The following PHACTR4 variants were observed in gnomAD, a reference collection of about 807,000 sequenced individuals.
PHACTR4 encodes protein phosphatase 1, regulatory subunit 124.
PHACTR4 carries 51 observed loss-of-function variants against 72.7 expected under a neutral mutation model. The ratio of observed to expected loss-of-function variants is 0.70; its 90% CI spans 0.56 to 0.89. PHACTR4 has a LOEUF of 0.89. Ranked by LOEUF, PHACTR4 falls within the 40% of genes least tolerant of loss-of-function variation. The pLI is 0.00. For missense variants in PHACTR4, 731 were observed against 861.8 expected (o/e 0.85, Z 1.90); for synonymous variants, 255 against 302.5 (o/e 0.84, Z 1.63).
intron 10 of PHACTR4, 100 bp downstream of exon 10, chr1:28,489,325 AG>A (rs1230226242): frequency 1.0e-6 from 1 of 963,340 alleles, no homozygotes. Flanking sequence ...ACAAGGGCTA[AG>A]GGAGAGTGTT....
At chr1:28,453,617 G>T (rs1658140735) in intron 2 of PHACTR4, 2 of 1,221,896 alleles carry the variant, frequency 1.6e-6, no homozygotes, top group Non-Finnish European at 2.3e-6. Context: ...CTACAGTGAG[G>T]TGAAACAAAT....
chr1:28,473,432 T>C (rs904453215), intron 6 of PHACTR4, 122 bp from the exon 7 acceptor site: 5 of 768,610 alleles, frequency 6.5e-6, no homozygotes, highest in Admixed American at 2.4e-5. Flanking sequence ...ATGGCAAAAC[T>C]ATGAAATTAT....
Position 28,382,963 on chromosome 1 carries a change from T to C in PHACTR4, c.-39+13138T>C, listed in dbSNP as rs375795479. Among the ~76,000 whole-genome samples, 9 of 152,214 alleles carry C rather than the reference T, an allele frequency of 5.9e-5. No homozygotes were observed. In the East Asian group the frequency reaches 1.5e-3, roughly 26 times the overall value. On this transcript the variant is annotated intron_variant, in intron 1 of 13. Coordinates refer to ENST00000373839, the MANE Select transcript of PHACTR4 (RefSeq NM_001048183.3). ...CCCCGCCACCATGTCTGGCTAATTT[T>C]TGTATTTTCAGTAGAGACAGGGTTT...
At chr1:28,490,079 C>T (rs1229475121) in intron 10 of PHACTR4, among the ~76,000 whole-genome samples, 1 of 152,122 alleles carries the variant, frequency 6.6e-6, no homozygotes, top group East Asian at 1.9e-4. Context: ...AGCAAATGAA[C>T]AACTATACGT....
chr1:28,407,614 C>T, intron 2 of PHACTR4, 151 bp downstream of exon 2: 1 of 538,764 alleles, frequency 1.9e-6, no homozygotes, highest in South Asian at 3.3e-5. Context: ...TATAAGAATT[C>T]AGTTATATAT....
chr1:28,378,373 A>G (rs1182102381), intron 1 of PHACTR4, among the ~76,000 whole-genome samples: 5 of 141,870 alleles, frequency 3.5e-5, no homozygotes, highest in African/African-American at 1.3e-4. Flanking sequence ...GTGTGGTGGC[A>G]AGTGCCTGTA....
At chr1:28,436,014 T>C (rs1656608338) in intron 2 of PHACTR4, among the ~76,000 whole-genome samples, 1 of 152,234 alleles carries the variant, frequency 6.6e-6, no homozygotes, top group African/African-American at 2.4e-5. Context: ...CAATTTAATG[T>C]TGTCTGAATG....
intron 1 of PHACTR4, among the ~76,000 whole-genome samples, chr1:28,403,015 C>T (rs114456009): frequency 0.071 from 10,855 of 152,188 alleles, 544 homozygotes; most frequent in Middle Eastern, 0.17. Context: ...TTGAAAATTG[C>T]GATCTGTGAT....
intron 2 of PHACTR4, among the ~76,000 whole-genome samples, chr1:28,454,725 C>A (rs1221597810): frequency 6.6e-6 from 1 of 152,106 alleles, no homozygotes; most frequent in Non-Finnish European, 1.5e-5. Flanking sequence ...AATACACTTT[C>A]CAATAACACA....
chr1:28,473,689 G>A lies in PHACTR4; in HGVS notation c.959G>A (p.Ser320Asn). Residue 320 changes from serine (S) to asparagine (N), a missense_variant, in exon 7 of 14, where the codon AGT becomes AAT. Physicochemically the swap from Ser to Asn is conservative, Grantham distance 46. Coordinates refer to ENST00000373839, the MANE Select transcript of PHACTR4 (RefSeq NM_001048183.3). Reference sequence around the variant, plus strand: ...GCTGCCATCACCACAAAAACACCAAGTGATGAAAGAGAGAAGAGCACGTGT... The same window carrying A: ...GCTGCCATCACCACAAAAACACCAAATGATGAAAGAGAGAAGAGCACGTGT... ...SAAAITTKTP[S>N]DEREKSTCSM... 6.2e-7 allele frequency: 1 copy of A among 1,614,036 alleles called. No individual in the cohort carries two copies. Among genetic ancestry groups the A allele is most frequent in the Admixed American group, 1.7e-5 (1 of 59,990 alleles).
chr1:28,430,178 A>G, intron 2 of PHACTR4, among the ~76,000 whole-genome samples: 1 of 151,980 alleles, frequency 6.6e-6, no homozygotes. Context: ...ACCCGCCACC[A>G]CACCAGGCTA....
chr1:28,483,844 C>T (rs1660450839), intron 9 of PHACTR4, among the ~76,000 whole-genome samples: 1 of 150,730 alleles, frequency 6.6e-6, no homozygotes, highest in African/African-American at 2.4e-5. Context: ...AGCCATAATC[C>T]TATACCCTAT....
At chr1:28,407,663 A>G (rs1319516413) in intron 2 of PHACTR4, among the ~76,000 whole-genome samples, 200 bp downstream of exon 2, 1 of 152,230 alleles carries the variant, frequency 6.6e-6, no homozygotes, top group Non-Finnish European at 1.5e-5. Flanking sequence ...TTTATGTGAC[A>G]TATCTATTGA....
intron 2 of PHACTR4, among the ~76,000 whole-genome samples, chr1:28,443,473 A>G (rs190437984): frequency 1.3e-5 from 2 of 150,710 alleles, no homozygotes; most frequent in Admixed American, 1.3e-4. Context: ...CTTGAGACAG[A>G]ATCCCACTCT....
At chr1:28,479,487 G>A (rs1352448072) in intron 8 of PHACTR4, among the ~76,000 whole-genome samples, 5 of 151,596 alleles carry the variant, frequency 3.3e-5, no homozygotes, top group Non-Finnish European at 5.9e-5. Context: ...GGAGGCTGAG[G>A]CAGGAGAATT....
chr1:28,453,664 G>C lies in PHACTR4; in HGVS notation c.17-5421G>C, dbSNP rs1180414578. 5 of 1,294,534 alleles carry C rather than the reference G, an allele frequency of 3.9e-6. No homozygotes were observed. The East Asian group carries it at 9.4e-5, about 24-fold the overall frequency. 80.2% of individuals were successfully genotyped at this position (1,294,534 alleles called of 1,614,324 possible). A position where few individuals can be genotyped will look rare whatever the true frequency, so the allele number is the denominator to read the frequency against. ...ACTCGGTTCTAACATCCAAAAATCA[G>C]ATTGAAAGATGGACCCGTCCTGGTT... On this transcript the variant is annotated intron_variant, in intron 2 of 13. Transcript: ENST00000373839.
At chr1:28,416,607 T>G (rs1334300569) in intron 2 of PHACTR4, among the ~76,000 whole-genome samples, 4 of 152,250 alleles carry the variant, frequency 2.6e-5, no homozygotes, top group African/African-American at 7.2e-5. Context: ...CCACTTTTTA[T>G]CACTTCTGAC....
At chr1:28,443,872 A>G (rs970808405) in intron 2 of PHACTR4, among the ~76,000 whole-genome samples, 3 of 152,160 alleles carry the variant, frequency 2.0e-5, no homozygotes, top group Non-Finnish European at 4.4e-5. Flanking sequence ...GTTGAGTAGT[A>G]CTACAGTAAA....
At chr1:28,461,839 T>C (rs1658826257) in intron 4 of PHACTR4, among the ~76,000 whole-genome samples, 1 of 147,828 alleles carries the variant, frequency 6.8e-6, no homozygotes, top group South Asian at 2.1e-4. Flanking sequence ...TGCTATGCGA[T>C]GTTTTCTTTC....
Sources: allele counts gnomAD v4.1 joint callset (sites outside exome capture counted in the v4.1 genomes callset), GRCh38; gene constraint gnomAD v4.1.1; transcripts MANE v1.5; gene names NCBI Gene and HGNC (gene_info 2026-07-23, HGNC 2026-07-21).